Variants in ZCCHC7 observed in about 807,000 individuals in gnomAD.
The protein encoded by ZCCHC7 is zinc finger CCHC domain-containing protein 7.
ZCCHC7 carries 35 observed loss-of-function variants against 52.0 expected under a neutral mutation model. The ratio of observed to expected loss-of-function variants is 0.67; its 90% CI spans 0.51 to 0.89. ZCCHC7 has a LOEUF of 0.89. Among genes scored for constraint, ZCCHC7 ranks in the 40% least tolerant of loss-of-function variants. The probability of loss-of-function intolerance (pLI) is 0.00; values close to 1 mark genes in which losing one functional copy is unlikely to be tolerated. For missense variants in ZCCHC7, 574 were observed against 649.1 expected (o/e 0.88, Z 1.26); for synonymous variants, 217 against 221.5 (o/e 0.98, Z 0.18).
chr9:37,214,844 T>C (rs1334939469), intron 2 of ZCCHC7, among the ~76,000 whole-genome samples: 2 of 152,034 alleles, frequency 1.3e-5, no homozygotes, highest in Admixed American at 6.5e-5. Flanking sequence ...TCATATACTT[T>C]TTTGTTATTT....
intron 5 of ZCCHC7, chr9:37,322,125 A>C (rs1830077997): frequency 6.6e-6 from 1 of 152,228 alleles, no homozygotes; most frequent in African/African-American, 2.4e-5. Context: ...ACTAGAAAGC[A>C]GGAAGTAAGA....
At chr9:37,341,766 T>A (rs1202178455) in intron 6 of ZCCHC7, among the ~76,000 whole-genome samples, 3 of 151,708 alleles carry the variant, frequency 2.0e-5, no homozygotes, top group Non-Finnish European at 4.4e-5. Context: ...AGTGAAGGAG[T>A]GCACTATATT....
intron 2 of ZCCHC7, among the ~76,000 whole-genome samples, chr9:37,238,592 C>CT (rs1332438370): frequency 1.3e-5 from 2 of 151,986 alleles, no homozygotes; most frequent in East Asian, 3.9e-4. Flanking sequence ...TTGATGTCCA[C>CT]TTTTTTAAAA....
intron 2 of ZCCHC7, among the ~76,000 whole-genome samples, chr9:37,198,691 T>A (rs527888125): frequency 6.6e-6 from 1 of 152,352 alleles, no homozygotes; most frequent in South Asian, 2.1e-4. Context: ...GTCCTAATGA[T>A]AGAGCTTGCT....
chr9:37,310,010 CA>C (rs375203838), intron 5 of ZCCHC7, among the ~76,000 whole-genome samples: 1 of 152,004 alleles, frequency 6.6e-6, no homozygotes, highest in African/African-American at 2.4e-5. Context: ...GCCAGATTAC[CA>C]GATATATGTA....
At chr9:37,147,598 G>A (rs1843491171) in intron 2 of ZCCHC7, among the ~76,000 whole-genome samples, 1 of 151,864 alleles carries the variant, frequency 6.6e-6, no homozygotes, top group Admixed American at 6.6e-5. Context: ...TTTATATTCA[G>A]AGCTTTAACA....
chr9:37,129,809 A>G (rs1285470943), intron 2 of ZCCHC7, among the ~76,000 whole-genome samples: 1 of 152,208 alleles, frequency 6.6e-6, no homozygotes, highest in South Asian at 2.1e-4. Context: ...TTATAATAAT[A>G]TTTAGAGTAA....
chr9:37,282,374 C>T lies in ZCCHC7; in HGVS notation c.611-19814C>T, dbSNP rs1409127624. Among the ~76,000 whole-genome samples the T allele has an allele frequency of 3.3e-5, 5 of 152,040 alleles. No individual in the cohort carries two copies. The East Asian group carries it at 5.8e-4, about 18-fold the overall frequency. On this transcript the variant is annotated intron_variant, in intron 2 of 8. Transcript: ENST00000336755. ...ATCCCAGCACTTTGGGAGGCCGAGA[C>T]AGGCGGATCACTAGGTCAAGGAGAT...
rs869292704 is a variant in ZCCHC7 at position 37,306,762 on chromosome 9, C to CTTTTT, written c.951+1086_951+1090dup. ...ACAGGCATGAGCCACTGTACCCGAC[C>CTTTTT]TTTTTTTTTTTTTTTTTTTTTTTTT... is the stretch of plus-strand genomic sequence containing the variant. On this transcript the variant is annotated intron_variant, in intron 5 of 8. Transcript: ENST00000336755. Among the ~76,000 whole-genome samples, 87 of 52,034 alleles carry CTTTTT rather than the reference C, an allele frequency of 1.7e-3. 21 individuals are homozygous for CTTTTT. The highest frequency in any genetic ancestry group is 2.7e-3 in the East Asian group (4 of 1,458). 34.1% of individuals were successfully genotyped at this position (52,034 alleles called of 152,430 possible).
intron 2 of ZCCHC7, among the ~76,000 whole-genome samples, chr9:37,158,583 T>A (rs1051787356): frequency 1.3e-5 from 2 of 152,228 alleles, no homozygotes; most frequent in Admixed American, 6.5e-5. Context: ...TTCCCTTTTA[T>A]CTTGAATTTT....
chr9:37,169,674 C>T (rs955146762), intron 2 of ZCCHC7, among the ~76,000 whole-genome samples: 2 of 152,080 alleles, frequency 1.3e-5, no homozygotes, highest in Non-Finnish European at 2.9e-5. Context: ...TGTGTATATA[C>T]TAGCATTCCT....
intron 2 of ZCCHC7, among the ~76,000 whole-genome samples, chr9:37,246,951 CCTA>C (rs955185706): frequency 6.6e-6 from 1 of 152,074 alleles, no homozygotes; most frequent in Non-Finnish European, 1.5e-5. Flanking sequence ...ACACTTAAAA[CCTA>C]CTCTCTTAGC....
intron 2 of ZCCHC7, among the ~76,000 whole-genome samples, chr9:37,131,489 T>C (rs529440800): frequency 8.6e-5 from 13 of 151,698 alleles, no homozygotes; most frequent in African/African-American, 3.1e-4. Context: ...CTACTAAAAA[T>C]GCAAAATTAG....
At chr9:37,292,144 G>A (rs1437249852) in intron 2 of ZCCHC7, among the ~76,000 whole-genome samples, 2 of 152,114 alleles carry the variant, frequency 1.3e-5, no homozygotes, top group African/African-American at 4.8e-5. Flanking sequence ...AATAATATGC[G>A]TTTGCTGTCT....
chr9:37,352,600 C>T (rs143042869), intron 7 of ZCCHC7, among the ~76,000 whole-genome samples: 2,852 of 145,944 alleles, frequency 0.02, 37 homozygotes, highest in Middle Eastern at 0.044. Flanking sequence ...CTCACTGCAA[C>T]CTCCACCTCC....
At chr9:37,279,313 C>G (rs1270902925) in intron 2 of ZCCHC7, among the ~76,000 whole-genome samples, 1 of 150,344 alleles carries the variant, frequency 6.7e-6, no homozygotes, top group Non-Finnish European at 1.5e-5. Context: ...CATTTGGTGA[C>G]AAGTTTTTTA....
intron 2 of ZCCHC7, among the ~76,000 whole-genome samples, chr9:37,287,430 G>A (rs1828306085): frequency 6.6e-6 from 1 of 151,770 alleles, no homozygotes; most frequent in South Asian, 2.1e-4. Context: ...TTCCTTTCTG[G>A]CAATCTCAAC....
At chr9:37,263,720 T>A (rs1428521695) in intron 2 of ZCCHC7, among the ~76,000 whole-genome samples, 1 of 152,196 alleles carries the variant, frequency 6.6e-6, no homozygotes, top group Admixed American at 6.5e-5. Flanking sequence ...GTGCAAAGTT[T>A]TGGATACATG....
At chr9:37,266,156 T>A (rs1827098172) in intron 2 of ZCCHC7, among the ~76,000 whole-genome samples, 1 of 152,212 alleles carries the variant, frequency 6.6e-6, no homozygotes, top group Non-Finnish European at 1.5e-5. Context: ...TTTAACCTAC[T>A]TCATTTATAT....
Sources: gnomAD v4.1 joint callset for allele counts (sites outside exome capture counted in the v4.1 genomes callset) on GRCh38, gnomAD v4.1.1 for gene constraint, MANE v1.5 for transcripts, NCBI Gene and HGNC (gene_info 2026-07-23, HGNC 2026-07-21) for gene names.